The following ISG20 variants were observed in gnomAD, a reference collection of about 807,000 sequenced individuals.
ISG20 encodes interferon-stimulated gene 20 kDa protein.
In ISG20, 8 loss-of-function variants were observed where a neutral mutation model predicts 11.1. The ratio of observed to expected loss-of-function variants is 0.72; its 90% CI spans 0.42 to 1.30. The LOEUF is 1.30. ISG20 is among the 50% of genes most tolerant of loss of function. The pLI is 0.01. For synonymous variants in ISG20, 110 were observed against 101.7 expected (o/e 1.08, Z -0.49); for missense variants, 243 against 250.2 (o/e 0.97, Z 0.19).
At chr15:88,635,646 C>T (rs912371369), upstream of ISG20, among the ~76,000 whole-genome samples, 5 of 152,188 alleles carry the variant, frequency 3.3e-5, no homozygotes, top group African/African-American at 1.2e-4. Flanking sequence ...TGCATCCCGA[C>T]ATTGGTTTAC....
intron 2 of ISG20, among the ~76,000 whole-genome samples, chr15:88,644,022 C>G (rs1220964183): frequency 6.6e-6 from 1 of 152,106 alleles, no homozygotes; most frequent in African/African-American, 2.4e-5. Flanking sequence ...GTGTGGGAAC[C>G]CTGGAGATGG....
At chr15:88,654,086 G>A (rs1055923649) in intron 3 of ISG20, among the ~76,000 whole-genome samples, 2 of 152,178 alleles carry the variant, frequency 1.3e-5, no homozygotes, top group Non-Finnish European at 2.9e-5. Flanking sequence ...ATTGCAGCCT[G>A]GGGTTTGTCT....
intron 3 of ISG20, among the ~76,000 whole-genome samples, chr15:88,652,636 T>C (rs1286233354): frequency 8.9e-6 from 1 of 111,790 alleles, no homozygotes; most frequent in African/African-American, 3.5e-5. Context: ...GTCCCCTCCC[T>C]TTCCTCCTCC....
At chr15:88,644,985 C>T (rs1007828883) in intron 2 of ISG20, among the ~76,000 whole-genome samples, 18 of 152,358 alleles carry the variant, frequency 1.2e-4, no homozygotes, top group Non-Finnish European at 1.8e-4. Flanking sequence ...CTGGACGCCT[C>T]AGTCTTCATC....
At chr15:88,652,765 C>T (rs2058308804) in intron 3 of ISG20, among the ~76,000 whole-genome samples, 1 of 149,274 alleles carries the variant, frequency 6.7e-6, no homozygotes, top group South Asian at 2.2e-4. Flanking sequence ...AAACACCCAA[C>T]AAAGGTTTGC....
chr15:88,651,810 G>C (rs1002052888), intron 2 of ISG20: 1 of 1,233,876 alleles, frequency 8.1e-7, no homozygotes, highest in African/African-American at 1.5e-5. Flanking sequence ...TATACATGAC[G>C]TATGTTGAGG....
intron 2 of ISG20, chr15:88,647,447 A>C (rs2058197526): frequency 6.6e-6 from 1 of 152,320 alleles, no homozygotes; most frequent in East Asian, 1.9e-4. Flanking sequence ...TGCCCAGGGC[A>C]GCTCCCTCCC....
upstream of ISG20, among the ~76,000 whole-genome samples, chr15:88,638,431 A>G (rs1321157131): frequency 6.6e-6 from 1 of 152,192 alleles, no homozygotes; most frequent in Non-Finnish European, 1.5e-5. Context: ...TCACCCTCAC[A>G]GAGTCAGCCC....
In ISG20 at chr15:88,645,039, T is replaced by C. The variant is rs577364520; in HGVS notation, c.228+5445T>C. On this transcript the variant is annotated intron_variant, in intron 2 of 3. Coordinates refer to ENST00000306072, the MANE Select transcript of ISG20 (RefSeq NM_002201.6). Reference sequence around the variant, plus strand: ...GCTTTTGTTTCTCAGTTAGAGGATATGCCAACTCCACTCTTTAAGCGTGTG... The same window carrying C: ...GCTTTTGTTTCTCAGTTAGAGGATACGCCAACTCCACTCTTTAAGCGTGTG... 1.1e-4 allele frequency among the ~76,000 whole-genome samples: 16 copies of C among 152,322 alleles called. No homozygotes were observed. The East Asian group carries it at 3.1e-3, about 29-fold the overall frequency.
At chr15:88,653,175 G>A (rs35698763) in intron 3 of ISG20, among the ~76,000 whole-genome samples, 83,848 of 151,966 alleles carry the variant, frequency 0.55, 24,596 homozygotes, top group Non-Finnish European at 0.66. Context: ...AGCAAGACCC[G>A]TCTCTGTCCC....
At chr15:88,642,655 C>T (rs1254940488) in intron 2 of ISG20, among the ~76,000 whole-genome samples, 2 of 151,952 alleles carry the variant, frequency 1.3e-5, no homozygotes, top group Non-Finnish European at 2.9e-5. Context: ...CTCGCTCTAT[C>T]GCCCAGGCTG....
intron 2 of ISG20, chr15:88,651,523 C>A: frequency 5.6e-6 from 1 of 179,310 alleles, no homozygotes; most frequent in Non-Finnish European, 1.1e-5. Context: ...CCCCTCCCTC[C>A]ATCTTCAAAG....
chr15:88,650,533 T>A lies in ISG20; in HGVS notation c.229-1577T>A, dbSNP rs1436277463. ...GGTGCTTGGCAAATCACACCAAAAC[T>A]TACCGGTTCAAACAATGTCAATACT... On this transcript the variant is annotated intron_variant, in intron 2 of 3. Coordinates refer to ENST00000306072, the MANE Select transcript of ISG20 (RefSeq NM_002201.6). This position sits in a 1 kb window ranked among gnomAD's most constrained non-coding sequence, Gnocchi z 4.0. The A allele has an allele frequency of 8.0e-7, 1 of 1,242,722 alleles. No homozygotes were observed. Among genetic ancestry groups the A allele is most frequent in the African/African-American group, 1.5e-5 (1 of 65,612 alleles). 77.0% of individuals were successfully genotyped at this position (1,242,722 alleles called of 1,614,324 possible).
At chr15:88,651,119 G>C (rs4932189) in intron 2 of ISG20, 687,320 of 819,038 alleles carry the variant, frequency 0.84, 288,985 homozygotes, top group Middle Eastern at 0.88. Flanking sequence ...AGTCATACAG[G>C]CCAGCCCATA....
At chr15:88,641,153 C>T (rs552029595) in intron 2 of ISG20, among the ~76,000 whole-genome samples, 5 of 152,114 alleles carry the variant, frequency 3.3e-5, no homozygotes, top group East Asian at 3.9e-4. Flanking sequence ...CCACCATGCC[C>T]GGCTAATTTT....
Position 88,652,180 on chromosome 15 carries a change from A to T in ISG20, c.299A>T (p.Glu100Val). 1 of 1,614,066 alleles carries T rather than the reference A, an allele frequency of 6.2e-7. No individual in the cohort carries two copies. Among genetic ancestry groups the T allele is most frequent in the Non-Finnish European group, 8.5e-7 (1 of 1,179,982 alleles). The change falls in exon 3 of 4, where the codon GAG becomes GTG. Residue 100 changes from glutamate to valine, a missense_variant. By Grantham distance (121) the Glu-to-Val change is moderately radical. Coordinates refer to ENST00000306072, the MANE Select transcript of ISG20 (RefSeq NM_002201.6). ...AAGCACGACTTCCAGGCACTGAAAG[A>T]GGACATGAGCGGCTACACAATCTAC... ...DLKHDFQALK[E>V]DMSGYTIYDT... is the part of the protein sequence containing the mutation.
intron 2 of ISG20, among the ~76,000 whole-genome samples, chr15:88,642,631 T>TTG (rs1308119546): frequency 6.6e-6 from 1 of 151,980 alleles, no homozygotes; most frequent in African/African-American, 2.4e-5. Context: ...TTTGTTGTTG[T>TTG]TTTGAGACGA....
Position 88,652,160 on chromosome 15 carries a change from C to G in ISG20, c.279C>G (p.His93Gln). 1 of 1,614,086 alleles carries G rather than the reference C, an allele frequency of 6.2e-7. No homozygotes were observed. The highest frequency in any genetic ancestry group is 8.5e-7 in the Non-Finnish European group (1 of 1,179,996). ...GKLVVGHDLK[H>Q]DFQALKEDMS... ...TGGTGGTGGGTCATGACCTGAAGCA[C>G]GACTTCCAGGCACTGAAAGAGGACA... Residue 93 changes from histidine (H) to glutamine (Q), a missense_variant, in exon 3 of 4, where the codon CAC becomes CAG. By Grantham distance (24) the His-to-Gln change is conservative. Coordinates refer to ENST00000306072, the MANE Select transcript of ISG20 (RefSeq NM_002201.6).
At chr15:88,645,857 C>T (rs1596051655) in intron 2 of ISG20, among the ~76,000 whole-genome samples, 2 of 152,240 alleles carry the variant, frequency 1.3e-5, no homozygotes, top group Admixed American at 6.5e-5. Context: ...TTCATTCACA[C>T]CATCTGTCTA....
Sources: allele counts gnomAD v4.1 joint callset (sites outside exome capture counted in the v4.1 genomes callset), GRCh38; gene constraint gnomAD v4.1.1; non-coding constraint Gnocchi (gnomAD v3.1); transcripts MANE v1.5; gene names NCBI Gene and HGNC (gene_info 2026-07-23, HGNC 2026-07-21).